Variants in CORIN observed in about 807,000 individuals in gnomAD.
The protein encoded by CORIN is corin, serine peptidase.
A neutral mutation model predicts 125.3 loss-of-function variants in CORIN; 117 were observed. The observed-to-expected ratio is 0.93, with a 90% CI of 0.80 to 1.09. CORIN has a LOEUF of 1.09. Among genes scored for constraint, CORIN ranks in the 50% least tolerant of loss-of-function variants. The pLI, the probability that CORIN is intolerant of heterozygous loss-of-function variation, is 0.00. For synonymous variants in CORIN, 450 were observed against 466.4 expected (o/e 0.96, Z 0.45); for missense variants, 1,253 against 1,306.7 (o/e 0.96, Z 0.63).
chr4:47,694,483 G>A (rs897512568), intron 5 of CORIN, among the ~76,000 whole-genome samples: 1 of 151,498 alleles, frequency 6.6e-6, no homozygotes, highest in Non-Finnish European at 1.5e-5. Context: ...GTTTGTGTAT[G>A]TGTGTGTGTG....
intron 16 of CORIN, among the ~76,000 whole-genome samples, chr4:47,633,308 T>G (rs1000885804): frequency 2.0e-5 from 3 of 152,162 alleles, no homozygotes; most frequent in Non-Finnish European, 4.4e-5. Context: ...AAAATTGTAA[T>G]GTGAACTAAA....
intron 5 of CORIN, among the ~76,000 whole-genome samples, chr4:47,710,685 G>A (rs1386426269): frequency 3.3e-5 from 5 of 152,180 alleles, no homozygotes; most frequent in Non-Finnish European, 7.3e-5. Flanking sequence ...GCACTGGCCC[G>A]GCCACCTTGT....
intron 5 of CORIN, among the ~76,000 whole-genome samples, chr4:47,718,983 A>C (rs945302470): frequency 2.0e-5 from 3 of 152,072 alleles, no homozygotes; most frequent in Non-Finnish European, 4.4e-5. Context: ...TGCACTTCAC[A>C]TGCCCCCTCC....
chr4:47,598,840 C>T (rs1430450568), intron 21 of CORIN, among the ~76,000 whole-genome samples: 1 of 152,158 alleles, frequency 6.6e-6, no homozygotes, highest in Non-Finnish European at 1.5e-5. Flanking sequence ...ATAATAAGCA[C>T]TAAATTGATA....
intron 5 of CORIN, among the ~76,000 whole-genome samples, chr4:47,730,451 C>T (rs996336341): frequency 3.2e-4 from 43 of 134,084 alleles, no homozygotes; most frequent in Non-Finnish European, 4.9e-4. Context: ...CCAGCCTGGG[C>T]GACAGAGCGA....
At chr4:47,813,073 A>G (rs1479166808) in intron 1 of CORIN, among the ~76,000 whole-genome samples, 3 of 152,184 alleles carry the variant, frequency 2.0e-5, no homozygotes, top group East Asian at 3.8e-4. Context: ...CCTGCTCCAC[A>G]TGGATTCTTT....
chr4:47,795,590 GA>G (rs149993769), intron 2 of CORIN, among the ~76,000 whole-genome samples: 2,945 of 144,278 alleles, frequency 0.02, 54 homozygotes, highest in Non-Finnish European at 0.03. Context: ...TGGCAACAAA[GA>G]AAAAAAAAAG....
intron 1 of CORIN, among the ~76,000 whole-genome samples, chr4:47,824,179 A>G (rs1172335334): frequency 6.6e-6 from 1 of 151,720 alleles, no homozygotes; most frequent in Non-Finnish European, 1.5e-5. Context: ...TAACAATACA[A>G]GAGCATTTTT....
chr4:47,832,972 G>A (rs1047909859), intron 1 of CORIN, among the ~76,000 whole-genome samples: 3 of 152,082 alleles, frequency 2.0e-5, no homozygotes, highest in African/African-American at 7.2e-5. Flanking sequence ...AATTGGCTAA[G>A]AGCTACTCCA....
intron 8 of CORIN, among the ~76,000 whole-genome samples, chr4:47,679,057 A>G (rs1725147865): frequency 6.6e-6 from 1 of 152,240 alleles, no homozygotes; most frequent in Non-Finnish European, 1.5e-5. Flanking sequence ...TAAATATTCA[A>G]TCTCATGTAT....
At chr4:47,722,940 T>TCTACTCA (rs535590338) in intron 5 of CORIN, among the ~76,000 whole-genome samples, 82 of 152,308 alleles carry the variant, frequency 5.4e-4, no homozygotes, top group African/African-American at 1.9e-3. Context: ...TTTTTCTTTT[T>TCTACTCA]CTACTCATAT....
intron 3 of CORIN, among the ~76,000 whole-genome samples, chr4:47,771,237 C>T (rs910358228): frequency 1.3e-5 from 2 of 152,032 alleles, no homozygotes; most frequent in Non-Finnish European, 2.9e-5. Context: ...CAGGTCAGGA[C>T]TACATCAGCA....
rs1359151345 is a variant in CORIN, at chr4:47,594,424, T to C, written c.*1297A>G. 1 of 152,604 alleles carries C rather than the reference T, an allele frequency of 6.6e-6. No individual in the cohort carries two copies. The highest frequency in any genetic ancestry group is 2.4e-5 in the African/African-American group (1 of 41,466). 9.5% of individuals were successfully genotyped at this position (152,604 alleles called of 1,614,324 possible). On this transcript the variant is annotated 3_prime_UTR_variant, in exon 22 of 22. Coordinates refer to ENST00000273857, the MANE Select transcript of CORIN (RefSeq NM_006587.4). Reference sequence around the variant, plus strand: ...TGCCTGACTAATTAAATTAAGTATATATGAAGATTTGTGTTTTAAAGTTTT... The same window carrying C: ...TGCCTGACTAATTAAATTAAGTATACATGAAGATTTGTGTTTTAAAGTTTT...
chr4:47,740,728 T>G (rs1439750114), intron 5 of CORIN, among the ~76,000 whole-genome samples: 1 of 151,944 alleles, frequency 6.6e-6, no homozygotes, highest in Non-Finnish European at 1.5e-5. Context: ...TCAAAATGTA[T>G]TGCAAACTGT....
In CORIN at chr4:47,763,412, G is replaced by A; in HGVS notation, c.584C>T (p.Ala195Val). The A allele has an allele frequency of 6.2e-7, 1 of 1,614,048 alleles. No individual in the cohort carries two copies. The highest frequency in any genetic ancestry group is 8.5e-7 in the Non-Finnish European group (1 of 1,179,966). The change falls in exon 4 of 22, where the codon GCC becomes GTC. Residue 195 changes from alanine to valine, a missense_variant. Physicochemically the swap from Ala to Val is moderately conservative, Grantham distance 64. Transcript: ENST00000273857. Reference protein sequence around the residue: ...QHIMLFGCTLAFPECIIDGDD... With the variant: ...QHIMLFGCTLVFPECIIDGDD... ...GCCATCAATGATGCACTCAGGGAAG[G>A]CGAGGGTACAGCCAAACAGCATGAT...
At chr4:47,690,602 A>G (rs927402355) in intron 6 of CORIN, among the ~76,000 whole-genome samples, 5 of 152,254 alleles carry the variant, frequency 3.3e-5, no homozygotes, top group African/African-American at 1.2e-4. Context: ...CCATAGAAGC[A>G]TAATCTCCTC....
chr4:47,783,017 T>C (rs2109910190), intron 3 of CORIN, among the ~76,000 whole-genome samples: 1 of 152,194 alleles, frequency 6.6e-6, no homozygotes, highest in East Asian at 1.9e-4. Context: ...AAAGATGTGA[T>C]AAGAGAACAG....
At chr4:47,772,222 T>C (rs1010480072) in intron 3 of CORIN, among the ~76,000 whole-genome samples, 1 of 152,226 alleles carries the variant, frequency 6.6e-6, no homozygotes, top group Non-Finnish European at 1.5e-5. Context: ...AATTCATTCA[T>C]TCAAGAAACT....
intron 13 of CORIN, among the ~76,000 whole-genome samples, chr4:47,652,970 T>C (rs1278410363): frequency 6.6e-6 from 1 of 152,224 alleles, no homozygotes; most frequent in Non-Finnish European, 1.5e-5. Context: ...CTCCTTTTAA[T>C]AAGTGTTTGC....
Sources: allele counts gnomAD v4.1 joint callset (sites outside exome capture counted in the v4.1 genomes callset), GRCh38; gene constraint gnomAD v4.1.1; transcripts MANE v1.5; gene names NCBI Gene and HGNC (gene_info 2026-07-23, HGNC 2026-07-21).